MLLT10: variants seen among roughly 807,000 people sequenced by gnomAD.
MLLT10 encodes protein AF-10.
MLLT10 carries 30 observed loss-of-function variants against 129.1 expected under a neutral mutation model. The observed-to-expected ratio is 0.23, with a 90% CI of 0.17 to 0.32. The LOEUF (loss-of-function observed/expected upper bound fraction) is 0.32. MLLT10 is among the 10% of genes least tolerant of loss of function. The pLI is 1.00. For synonymous variants in MLLT10, 490 were observed against 446.4 expected, an observed-to-expected ratio of 1.10 and a Z score of -1.23; for missense variants, 1,119 against 1,268.3, an observed-to-expected ratio of 0.88 and a Z score of 1.79.
At chr10:21,623,041 T>A in intron 8 of MLLT10, among the ~76,000 whole-genome samples, 1 of 152,172 alleles carries the variant, frequency 6.6e-6, no homozygotes, top group Non-Finnish European at 1.5e-5. Context: ...AAGAGACACA[T>A]AGGACAAGTT....
At chr10:21,561,910 A>G (rs1200704180) in intron 3 of MLLT10, among the ~76,000 whole-genome samples, 3 of 151,806 alleles carry the variant, frequency 2.0e-5, no homozygotes, top group South Asian at 2.1e-4. Flanking sequence ...GGTTCAAGCA[A>G]TTCTCCTGCC....
chr10:21,716,514 G>A (rs1235796111), intron 14 of MLLT10, among the ~76,000 whole-genome samples: 1 of 152,080 alleles, frequency 6.6e-6, no homozygotes, highest in East Asian at 1.9e-4. Flanking sequence ...CCAACATGGC[G>A]AAACCCTGTC....
At chr10:21,637,823 T>C (rs1564552772) in intron 8 of MLLT10, among the ~76,000 whole-genome samples, 1 of 152,222 alleles carries the variant, frequency 6.6e-6, no homozygotes, top group Non-Finnish European at 1.5e-5. Context: ...GTGGATTTAG[T>C]CTGTAACAGC....
At chr10:21,539,693 C>T (rs192531969) in intron 3 of MLLT10, among the ~76,000 whole-genome samples, 355 of 152,090 alleles carry the variant, frequency 2.3e-3, no homozygotes, top group Admixed American at 7.3e-3. Flanking sequence ...TACTTGAACC[C>T]GGGAGGTAGA....
In MLLT10 at chr10:21,742,609, A is replaced by G. The variant is rs1175347315; in HGVS notation, c.*626A>G. 4.5e-6 allele frequency: 1 copy of G among 220,828 alleles called. No individual in the cohort carries two copies. Among genetic ancestry groups the G allele is most frequent in the Non-Finnish European group, 9.1e-6 (1 of 110,460 alleles). The allele number at this position is 220,828 out of a possible 1,614,324, so 13.7% of individuals were successfully genotyped here. ...GTAATGTCTGCATCTGCTAAAGGTA[A>G]TTTTCTTTTGAGAATTGCTTTCTTT... On this transcript the variant is annotated 3_prime_UTR_variant, in exon 23 of 23. Coordinates refer to ENST00000307729, the MANE Select transcript of MLLT10 (RefSeq NM_001195626.3).
intron 5 of MLLT10, among the ~76,000 whole-genome samples, chr10:21,600,443 A>G (rs182143304): frequency 3.9e-5 from 6 of 152,028 alleles, no homozygotes; most frequent in Admixed American, 2.6e-4. Context: ...GATAGACACT[A>G]AGTTTTAAAT....
In MLLT10 at chr10:21,713,879, C is replaced by A; in HGVS notation, c.1807C>A (p.His603Asn). The A allele has an allele frequency of 6.2e-7, 1 of 1,614,050 alleles. No homozygotes were observed. The highest frequency in any genetic ancestry group is 8.5e-7 in the Non-Finnish European group (1 of 1,179,978). The part of the protein sequence containing the change: ...SSHLPQQSSG[H>N]LQQVGALSPS... ...TCACTTACCTCAGCAGTCTTCTGGG[C>A]ATTTGCAACAAGTAGGAGCGCTCTC... Residue 603 changes from histidine (H) to asparagine (N), a missense_variant, in exon 14 of 23, where the codon CAT becomes AAT. By Grantham distance (68) the His-to-Asn change is moderately conservative. Transcript: ENST00000307729.
At chr10:21,633,840 A>G (rs1357664711) in intron 8 of MLLT10, among the ~76,000 whole-genome samples, 1 of 152,240 alleles carries the variant, frequency 6.6e-6, no homozygotes. Flanking sequence ...TAATACTATT[A>G]AAAAACATAT....
At chr10:21,740,897 A>C (rs557676081) in intron 22 of MLLT10, among the ~76,000 whole-genome samples, 8 of 152,336 alleles carry the variant, frequency 5.3e-5, no homozygotes, top group African/African-American at 1.9e-4. Flanking sequence ...TTTCCCCTAA[A>C]TTCCAGTTCA....
At position 21,730,852 on chromosome 10, in the gene MLLT10, T is replaced by C. The variant is rs546747858; in HGVS notation, c.2064-48T>C. On this transcript the variant is annotated intron_variant, in intron 16 of 22. Coordinates refer to ENST00000307729, the MANE Select transcript of MLLT10 (RefSeq NM_001195626.3). ...CAGCTTAAGGTAAGAAACTGTACTC[T>C]CTTAAAAGCATTCCCCTTCTTTTTA... 15 of 1,609,588 alleles carry C rather than the reference T, an allele frequency of 9.3e-6. No individual in the cohort carries two copies. In the African/African-American group the frequency reaches 2.0e-4, roughly 21 times the overall value.
intron 3 of MLLT10, among the ~76,000 whole-genome samples, chr10:21,563,594 C>A (rs1202601326): frequency 2.6e-5 from 4 of 152,102 alleles, no homozygotes; most frequent in African/African-American, 9.6e-5. Context: ...CTTGGAGATT[C>A]CTCCAGGTTG....
chr10:21,658,196 A>C (rs2049803224), intron 9 of MLLT10, among the ~76,000 whole-genome samples: 1 of 152,242 alleles, frequency 6.6e-6, no homozygotes, highest in Non-Finnish European at 1.5e-5. Context: ...TGACATATGT[A>C]CACATTAGTG....
At chr10:21,584,577 G>C (rs1468360686) in intron 3 of MLLT10, among the ~76,000 whole-genome samples, 2 of 152,120 alleles carry the variant, frequency 1.3e-5, no homozygotes, top group African/African-American at 4.8e-5. Context: ...GCCTCCCAAA[G>C]TGCTGCGATT....
At chr10:21,549,074 G>T (rs116443003) in intron 3 of MLLT10, among the ~76,000 whole-genome samples, 2 of 147,626 alleles carry the variant, frequency 1.4e-5, no homozygotes, top group African/African-American at 5.0e-5. Flanking sequence ...TAAGAATTGT[G>T]TTTGGCCGAC....
chr10:21,670,009 T>C (rs1428350058), intron 9 of MLLT10, among the ~76,000 whole-genome samples: 3 of 152,140 alleles, frequency 2.0e-5, no homozygotes, highest in Admixed American at 2.0e-4. Flanking sequence ...ATGGATATGG[T>C]CCTCTAATGG....
chr10:21,673,998 T>C (rs2051787990), intron 11 of MLLT10, 79 bp downstream of exon 11: 1 of 1,098,174 alleles, frequency 9.1e-7, no homozygotes, highest in Admixed American at 2.9e-5. Context: ...TTTCAACTGT[T>C]GTTACGATAA....
At chr10:21,545,893 C>T (rs1286685883) in intron 3 of MLLT10, among the ~76,000 whole-genome samples, 2 of 151,906 alleles carry the variant, frequency 1.3e-5, no homozygotes, top group Non-Finnish European at 2.9e-5. Flanking sequence ...TCTCGAACAC[C>T]TGGCTTTAAG....
intron 2 of MLLT10, among the ~76,000 whole-genome samples, chr10:21,536,130 G>A (rs903562517): frequency 2.0e-5 from 3 of 152,108 alleles, no homozygotes; most frequent in Admixed American, 6.6e-5. Flanking sequence ...TAGTAGAGAC[G>A]GGGTTTCGCC....
intron 21 of MLLT10, 82 bp downstream of exon 21, chr10:21,735,317 T>G: frequency 8.4e-7 from 1 of 1,195,418 alleles, no homozygotes. Flanking sequence ...GATTTCTCCT[T>G]TGTGAAATAA....
Sources: allele counts gnomAD v4.1 joint callset (sites outside exome capture counted in the v4.1 genomes callset), GRCh38; gene constraint gnomAD v4.1.1; transcripts MANE v1.5; gene names NCBI Gene and HGNC (gene_info 2026-07-23, HGNC 2026-07-21).